Variants in CANX observed in about 807,000 individuals in gnomAD.
The protein encoded by CANX is calnexin.
Under a neutral mutation model 75.7 loss-of-function variants are expected in CANX, and 14 were observed. The observed-to-expected ratio is 0.19, with a 90% CI of 0.12 to 0.29. The LOEUF (loss-of-function observed/expected upper bound fraction) is 0.29, where lower values mean the gene tolerates loss of function less well. Among genes scored for constraint, CANX ranks in the 10% least tolerant of loss-of-function variants. The probability of loss-of-function intolerance (pLI) is 1.00; values close to 1 mark genes in which losing one functional copy is unlikely to be tolerated. For synonymous variants in CANX, 227 were observed against 236.9 expected (o/e 0.96, Z 0.38); for missense variants, 567 against 713.2 (o/e 0.79, Z 2.34).
At chr5:179,692,551 G>T (rs140952318) in intron 1 of CANX, among the ~76,000 whole-genome samples, 121 of 152,172 alleles carry the variant, frequency 8.0e-4, no homozygotes, top group Admixed American at 2.0e-3. Context: ...TAGAGACAGG[G>T]TCTTGCTCTG....
At chr5:179,711,271 A>C (rs1487048423) in intron 7 of CANX, among the ~76,000 whole-genome samples, 1 of 76,070 alleles carries the variant, frequency 1.3e-5, no homozygotes, top group Non-Finnish European at 3.4e-5. Context: ...AAATCTTAAG[A>C]ATTAACTGAG....
chr5:179,684,924 G>C (rs1456905281), intron 1 of CANX, among the ~76,000 whole-genome samples: 1 of 28,984 alleles, frequency 3.5e-5, no homozygotes, highest in Non-Finnish European at 6.8e-5. Flanking sequence ...GGCTAATTTT[G>C]TATTTTTTTT....
chr5:179,679,070 G>C (rs1407949162), intron 1 of CANX: 1 of 1,535,448 alleles, frequency 6.5e-7, no homozygotes, highest in East Asian at 2.4e-5. Context: ...GATGTGATCG[G>C]CCCAAAACTG....
rs1777294522 is a variant in CANX at position 179,708,219 on chromosome 5, T to C, written c.305-20T>C. 1 of 1,611,626 alleles carries C rather than the reference T, an allele frequency of 6.2e-7. No individual in the cohort carries two copies. Among genetic ancestry groups the C allele is most frequent in the Non-Finnish European group, 8.5e-7 (1 of 1,178,044 alleles). On this transcript the variant is annotated intron_variant, in intron 4 of 14. Coordinates refer to ENST00000247461, the MANE Select transcript of CANX (RefSeq NM_001746.4). ...CAGAGGTAGAGTTAAGCAGTGGAACTTTTTTGTGTTGTCTTGTAGGAAAGT... is the reference window on the plus strand; with the variant it reads ...CAGAGGTAGAGTTAAGCAGTGGAACCTTTTTGTGTTGTCTTGTAGGAAAGT...
In CANX at chr5:179,709,146, C is replaced by T. The variant is rs1261857358; in HGVS notation, c.528+87C>T. ...TAATTGGGCCGGGTGCAGTGGCTCA[C>T]GCCTGTAATCCTAGCTCCCAGCACT... On this transcript the variant is annotated intron_variant, in intron 6 of 14. Transcript: ENST00000247461. 2.4e-5 allele frequency: 19 copies of T among 780,874 alleles called. 1 individual carries two copies. The highest frequency in any genetic ancestry group is 7.0e-5 in the South Asian group (5 of 71,238). 48.4% of individuals were successfully genotyped at this position (780,874 alleles called of 1,614,324 possible).
chr5:179,724,497 G>A lies in CANX; in HGVS notation c.1519-160G>A, dbSNP rs185635850. On this transcript the variant is annotated intron_variant, in intron 12 of 14. Coordinates refer to ENST00000247461, the MANE Select transcript of CANX (RefSeq NM_001746.4). Reference sequence around the variant, plus strand: ...CACAAGCACATGTGCATACACACACGTACATACACGCTCTTCAGGGTAGGA... The same window carrying A: ...CACAAGCACATGTGCATACACACACATACATACACGCTCTTCAGGGTAGGA... Among the ~76,000 whole-genome samples, 487 of 152,078 alleles carry A rather than the reference G, an allele frequency of 3.2e-3. 5 individuals are homozygous for A. Among genetic ancestry groups the A allele is most frequent in the African/African-American group, 0.011 (456 of 41,482 alleles).
Position 179,706,278 on chromosome 5 carries a change from T to G in CANX, c.192T>G (p.Val64=). The G allele has an allele frequency of 6.3e-7, 1 of 1,595,892 alleles. No individual in the cohort carries two copies. Among genetic ancestry groups the G allele is most frequent in the African/African-American group, 1.3e-5 (1 of 74,666 alleles). ...CACAGGTTACTTACAAAGCTCCAGT[T>G]CCAACAGGGGAAGTATATTTTGCTG... ...SSPKVTYKAP[V]PTGEVYFADS... The change falls in exon 3 of 15, where the codon GTT becomes GTG. Residue 64 remains valine (V), a synonymous_variant. Transcript: ENST00000247461.
At chr5:179,685,359 C>T (rs1441957736) in intron 1 of CANX, among the ~76,000 whole-genome samples, 1 of 151,938 alleles carries the variant, frequency 6.6e-6, no homozygotes, top group Admixed American at 6.6e-5. Flanking sequence ...ACTGCAACCT[C>T]CACCTCAGCC....
At chr5:179,728,523 G>T in intron 14 of CANX, 68 bp from the exon 15 acceptor site, 1 of 977,990 alleles carries the variant, frequency 1.0e-6, no homozygotes, top group South Asian at 1.4e-5. Context: ...GGCTGATCTT[G>T]AAAATATGGT....
chr5:179,730,172 C>T lies in CANX; in HGVS notation c.*1528C>T, dbSNP rs918246096. On this transcript the variant is annotated 3_prime_UTR_variant, in exon 15 of 15. Transcript: ENST00000247461. ...GTTCTTTAGAGGCTTTCAAATGTAC[C>T]GATGATACTGTTTCTTGCACTGAAT... The T allele has an allele frequency of 9.8e-5, 15 of 152,288 alleles. No homozygotes were observed. Among genetic ancestry groups the T allele is most frequent in the Non-Finnish European group, 2.1e-4 (14 of 67,996 alleles). The allele number at this position is 152,288 out of a possible 1,614,324, so 9.4% of individuals were successfully genotyped here.
chr5:179,698,793 C>T (rs962104760), upstream of CANX: 21 of 670,286 alleles, frequency 3.1e-5, no homozygotes, highest in Non-Finnish European at 3.7e-5. Context: ...CTTCACACTC[C>T]ACGAAGAATA....
chr5:179,708,463 A>G, intron 5 of CANX, 83 bp downstream of exon 5: 1 of 1,282,948 alleles, frequency 7.8e-7, no homozygotes, highest in South Asian at 1.5e-5. Context: ...CTATGTTAAA[A>G]AATTATGAGA....
chr5:179,720,885 G>T (rs974746715), intron 10 of CANX, among the ~76,000 whole-genome samples: 1 of 152,044 alleles, frequency 6.6e-6, no homozygotes, highest in African/African-American at 2.4e-5. Context: ...CCGGTTTCAA[G>T]CGATTCTCTT....
In CANX at chr5:179,731,476, T is replaced by TA. The variant is rs35136597; in HGVS notation, c.*2844dup. On this transcript the variant is annotated 3_prime_UTR_variant, in exon 15 of 15. Transcript: ENST00000247461. ...TCTGGTGTAAAATTTGTTTGAATGC[T>TA]AAAAAAAAAAAAGCAGGACTGCATT... Among the ~76,000 whole-genome samples, 5,788 of 142,828 alleles carry TA rather than the reference T, an allele frequency of 0.041. 130 individuals are homozygous for TA. Among genetic ancestry groups the TA allele is most frequent in the African/African-American group, 0.054 (2,131 of 39,104 alleles). The allele number at this position is 142,828 out of a possible 152,430, so 93.7% of individuals were successfully genotyped here. A position where few individuals can be genotyped will look rare whatever the true frequency, so the allele number is the denominator to read the frequency against.
chr5:179,721,198 C>T (rs1018065421), intron 10 of CANX, among the ~76,000 whole-genome samples: 1 of 152,114 alleles, frequency 6.6e-6, no homozygotes, highest in African/African-American at 2.4e-5. Context: ...CTGACTCAGC[C>T]TCCCGAGTAG....
At chr5:179,681,200 C>T (rs1776055076) in intron 1 of CANX, among the ~76,000 whole-genome samples, 1 of 152,164 alleles carries the variant, frequency 6.6e-6, no homozygotes, top group African/African-American at 2.4e-5. Context: ...CTACTGTGTT[C>T]TAGGAACAGT....
chr5:179,705,987 A>T, intron 2 of CANX, 135 bp downstream of exon 2: 1 of 676,336 alleles, frequency 1.5e-6, no homozygotes, highest in Non-Finnish European at 2.6e-6. Flanking sequence ...CCTTGGCAAC[A>T]CAGGGAGATA....
chr5:179,714,956 G>C (rs1004440486), intron 7 of CANX, among the ~76,000 whole-genome samples: 4 of 151,982 alleles, frequency 2.6e-5, no homozygotes, highest in African/African-American at 9.7e-5. Context: ...GTAGAGACAG[G>C]GTTTCACCAT....
At chr5:179,713,049 G>A (rs974657935) in intron 7 of CANX, among the ~76,000 whole-genome samples, 2 of 151,814 alleles carry the variant, frequency 1.3e-5, no homozygotes, top group Admixed American at 6.6e-5. Context: ...GATTACAGGT[G>A]TGAGTCACTG....
Sources: gnomAD v4.1 joint callset for allele counts (sites outside exome capture counted in the v4.1 genomes callset) on GRCh38, gnomAD v4.1.1 for gene constraint, MANE v1.5 for transcripts, NCBI Gene and HGNC (gene_info 2026-07-23, HGNC 2026-07-21) for gene names.